The following SMAD9 variants were observed in gnomAD, a reference collection of about 807,000 sequenced individuals.
SMAD9 encodes the protein SMAD family member 9, also known as MAD homolog 9.
SMAD9 carries 36 observed loss-of-function variants against 46.1 expected under a neutral mutation model. The observed-to-expected ratio is 0.78, with a 90% CI of 0.60 to 1.03. The LOEUF is 1.03. SMAD9 is among the 50% of genes least tolerant of loss of function. SMAD9 has a pLI of 0.00. For missense variants in SMAD9, 572 were observed against 599.8 expected, an observed-to-expected ratio of 0.95 and a Z score of 0.48; for synonymous variants, 245 against 237.1, an observed-to-expected ratio of 1.03 and a Z score of -0.31.
intron 5 of SMAD9, among the ~76,000 whole-genome samples, chr13:36,859,406 G>A (rs1227912859): frequency 1.3e-5 from 2 of 152,148 alleles, no homozygotes; most frequent in African/African-American, 2.4e-5. Context: ...CAGACGGGTA[G>A]GCATTCTAAG....
chr13:36,879,537 G>T lies in SMAD9; in HGVS notation c.153C>A (p.Ala51=). 2.5e-6 allele frequency: 4 copies of T among 1,614,182 alleles called. No homozygotes were observed. Among genetic ancestry groups the T allele is most frequent in the Non-Finnish European group, 3.4e-6 (4 of 1,180,032 alleles). ...TGAGAGCCCTCTCCAGCTCGTCCATGGCTCCCTTCTTCTTCTTTAACTTCT... is the reference window on the plus strand; with the variant it reads ...TGAGAGCCCTCTCCAGCTCGTCCATTGCTCCCTTCTTCTTCTTTAACTTCT... ...LVKKLKKKKG[A]MDELERALSC... Residue 51 remains alanine, a synonymous_variant, in exon 2 of 7, where the codon GCC becomes GCA. Transcript: ENST00000379826.
intron 5 of SMAD9, among the ~76,000 whole-genome samples, chr13:36,864,739 T>A (rs1226904161): frequency 6.6e-6 from 1 of 152,110 alleles, no homozygotes; most frequent in Admixed American, 6.5e-5. Flanking sequence ...TTAGAATGCA[T>A]CACCAAATGG....
intron 1 of SMAD9, among the ~76,000 whole-genome samples, chr13:36,910,309 TGAG>T (rs1174475434): frequency 2.0e-5 from 3 of 151,922 alleles, no homozygotes; most frequent in African/African-American, 7.3e-5. Flanking sequence ...ATAGTGAATA[TGAG>T]AAGAGGGAGG....
At chr13:36,853,036 C>T (rs1444784847) in intron 6 of SMAD9, among the ~76,000 whole-genome samples, 1 of 152,200 alleles carries the variant, frequency 6.6e-6, no homozygotes, top group African/African-American at 2.4e-5. Flanking sequence ...CCTGTAATCC[C>T]AGCACTTTGG....
At chr13:36,913,279 C>T (rs571153334) in intron 1 of SMAD9, among the ~76,000 whole-genome samples, 1 of 152,236 alleles carries the variant, frequency 6.6e-6, no homozygotes, top group East Asian at 1.9e-4. Flanking sequence ...CTCTTTCACG[C>T]TAACTACACT....
chr13:36,855,666 C>T lies in SMAD9; in HGVS notation c.1004-1991G>A, dbSNP rs1051538672. Among the ~76,000 whole-genome samples the T allele has an allele frequency of 2.0e-5, 3 of 152,174 alleles. No individual in the cohort carries two copies. In the South Asian group the frequency reaches 6.2e-4, roughly 32 times the overall value. ...TGTGCATGACTCTGAATCTAGGAAA[C>T]GTTACTGACATAGCTGCTGGGAGTT... On this transcript the variant is annotated intron_variant, in intron 5 of 6. Coordinates refer to ENST00000379826, the MANE Select transcript of SMAD9 (RefSeq NM_001127217.3).
Position 36,860,668 on chromosome 13 carries a change from G to T in SMAD9, c.1003+4869C>A, listed in dbSNP as rs1343181267. Among the ~76,000 whole-genome samples the T allele has an allele frequency of 4.6e-5, 7 of 151,488 alleles. No individual in the cohort carries two copies. In the South Asian group the frequency reaches 8.4e-4, roughly 18 times the overall value. Reference sequence around the variant, plus strand: ...CGGGGTTTCAGTGTGTTAGCCAGGAGGGTCTCGATCTCCTGACCTCATGAT... The same window carrying T: ...CGGGGTTTCAGTGTGTTAGCCAGGATGGTCTCGATCTCCTGACCTCATGAT... On this transcript the variant is annotated intron_variant, in intron 5 of 6. Coordinates refer to ENST00000379826, the MANE Select transcript of SMAD9 (RefSeq NM_001127217.3).
At position 36,879,318 on chromosome 13, in the gene SMAD9, C is replaced by T. The variant is rs1593589094; in HGVS notation, c.372G>A (p.Val124=). 1.2e-6 allele frequency: 2 copies of T among 1,614,156 alleles called. No individual in the cohort carries two copies. The highest frequency in any genetic ancestry group is 1.1e-5 in the South Asian group (1 of 91,084). The change falls in exon 2 of 7, where the codon GTG becomes GTA. Residue 124 remains valine (V), a synonymous_variant. Coordinates refer to ENST00000379826, the MANE Select transcript of SMAD9 (RefSeq NM_001127217.3). The part of the protein sequence containing the change: ...EFPFGSKQKE[V]CINPYHYRRV... ...GGCGGTAGTGGTAAGGGTTAATGCA[C>T]ACTTCTTTCTGCTTGGAGCCAAATG... is the stretch of plus-strand genomic sequence containing the variant.
At chr13:36,918,891 A>G (rs1213224928) in intron 1 of SMAD9, among the ~76,000 whole-genome samples, 2 of 152,216 alleles carry the variant, frequency 1.3e-5, no homozygotes, top group African/African-American at 2.4e-5. Flanking sequence ...GTTACTGCTT[A>G]GGAGGCAGCA....
At chr13:36,863,930 G>C (rs1432931611) in intron 5 of SMAD9, among the ~76,000 whole-genome samples, 2 of 152,152 alleles carry the variant, frequency 1.3e-5, no homozygotes, top group African/African-American at 4.8e-5. Flanking sequence ...GTCCTCAGCA[G>C]GAGCACCTTG....
intron 1 of SMAD9, among the ~76,000 whole-genome samples, chr13:36,894,781 C>T (rs1406143357): frequency 6.6e-6 from 1 of 152,102 alleles, no homozygotes; most frequent in Non-Finnish European, 1.5e-5. Context: ...AGAACCCCAC[C>T]TCCCCTGGAG....
intron 6 of SMAD9, among the ~76,000 whole-genome samples, chr13:36,853,177 C>T (rs1042859903): frequency 3.9e-5 from 6 of 151,914 alleles, no homozygotes; most frequent in East Asian, 1.9e-4. Context: ...CCCAGCTACC[C>T]GGGAGGCTGA....
intron 5 of SMAD9, among the ~76,000 whole-genome samples, chr13:36,860,611 G>A (rs1027480070): frequency 7.2e-5 from 11 of 151,780 alleles, no homozygotes; most frequent in Admixed American, 3.9e-4. Context: ...CACCACGCCC[G>A]GCTAATTTTT....
At chr13:36,861,747 G>A (rs1566016852) in intron 5 of SMAD9, among the ~76,000 whole-genome samples, 1 of 151,786 alleles carries the variant, frequency 6.6e-6, no homozygotes, top group Non-Finnish European at 1.5e-5. Flanking sequence ...TGGCCAACAT[G>A]AAGAAACCCT....
intron 1 of SMAD9, among the ~76,000 whole-genome samples, chr13:36,886,242 T>C (rs552209677): frequency 2.6e-5 from 4 of 152,308 alleles, no homozygotes; most frequent in Non-Finnish European, 4.4e-5. Context: ...CCTAAACCAC[T>C]GCACCATAAT....
At chr13:36,869,143 C>A (rs962039484) in intron 3 of SMAD9, among the ~76,000 whole-genome samples, 1 of 151,662 alleles carries the variant, frequency 6.6e-6, no homozygotes, top group Non-Finnish European at 1.5e-5. Flanking sequence ...TAAATCAGTA[C>A]GGAGTTTCCG....
In SMAD9 at chr13:36,853,467, G is replaced by A. The variant is rs755637337; in HGVS notation, c.1212C>T (p.Val404=). 3.7e-6 allele frequency: 6 copies of A among 1,614,006 alleles called. No homozygotes were observed. Among genetic ancestry groups the A allele is most frequent in the South Asian group, 3.3e-5 (3 of 91,062 alleles). ...TACACATCTTGGTCAGTTCATACAC[G>A]ACTTCAAAGCCGTGGTGAACTGACT... is the stretch of plus-strand genomic sequence containing the variant. ...LAQSVHHGFE[V]VYELTKMCTI... The change falls in exon 6 of 7, where the codon GTC becomes GTT. Residue 404 remains valine, a synonymous_variant. Transcript: ENST00000379826.
At chr13:36,853,772 A>C (rs1255453432) in intron 5 of SMAD9, 97 bp from the exon 6 acceptor site, 5 of 1,229,726 alleles carry the variant, frequency 4.1e-6, no homozygotes, top group Admixed American at 1.8e-5. Flanking sequence ...CTCTCCCATC[A>C]GGTTGTCAGA....
chr13:36,892,935 T>C (rs1235054200), intron 1 of SMAD9, among the ~76,000 whole-genome samples: 1 of 152,182 alleles, frequency 6.6e-6, no homozygotes, highest in African/African-American at 2.4e-5. Context: ...AATTAGAACA[T>C]AGGTAAAAAT....
Sources: gnomAD v4.1 joint callset for allele counts (sites outside exome capture counted in the v4.1 genomes callset) on GRCh38, gnomAD v4.1.1 for gene constraint, MANE v1.5 for transcripts, NCBI Gene and HGNC (gene_info 2026-07-23, HGNC 2026-07-21) for gene names.